Variants in TRIM64C observed in about 807,000 individuals in gnomAD.
The protein encoded by TRIM64C is tripartite motif containing 64C.
A neutral mutation model predicts 36.1 loss-of-function variants in TRIM64C; 25 were observed. The observed-to-expected ratio is 0.69, with a 90% CI of 0.51 to 0.97. The LOEUF (loss-of-function observed/expected upper bound fraction) is 0.97, where lower values mean the gene tolerates loss of function less well. TRIM64C is among the 50% of genes least tolerant of loss of function. The pLI is 0.00. For synonymous variants in TRIM64C, 212 were observed against 185.7 expected (o/e 1.14, Z -1.15); for missense variants, 489 against 536.8 (o/e 0.91, Z 0.88).
At chr11:49,057,033 C>T in intron 3 of TRIM64C, 115 bp downstream of exon 3, 1 of 1,338,002 alleles carries the variant, frequency 7.5e-7, no homozygotes, top group Non-Finnish European at 1.0e-6. Context: ...GTGGAAGTCA[C>T]ACAGCATGTG....
At chr11:49,056,691 A>G (rs1029226102) in intron 3 of TRIM64C, among the ~76,000 whole-genome samples, 1 of 151,922 alleles carries the variant, frequency 6.6e-6, no homozygotes, top group Non-Finnish European at 1.5e-5. Context: ...GACAACTATT[A>G]AAACAAAACA....
chr11:49,054,056 G>A lies in TRIM64C; in HGVS notation c.1011C>T (p.Thr337=). The A allele has an allele frequency of 6.4e-7, 1 of 1,551,530 alleles. No individual in the cohort carries two copies. Among genetic ancestry groups the A allele is most frequent in the Non-Finnish European group, 8.7e-7 (1 of 1,146,832 alleles). The stretch of plus-strand genomic sequence containing the variant: ...CCACTTCCCAGTAATGCTTGCCGGA[G>A]GTGAATGCTTGCGCACACCACACAG... The part of the protein sequence containing the change: ...SFAVWCAQAF[T]SGKHYWEVDV... The change falls in exon 6 of 6, where the codon ACC becomes ACT. Residue 337 remains threonine (T), a synonymous_variant. Coordinates refer to ENST00000617704, the MANE Select transcript of TRIM64C (RefSeq NM_001206631.1).
intron 5 of TRIM64C, 149 bp downstream of exon 5, chr11:49,055,161 A>G: frequency 2.2e-6 from 2 of 922,502 alleles, no homozygotes; most frequent in Non-Finnish European, 3.2e-6. Context: ...TTGTAATATT[A>G]CTATGCAGGT....
chr11:49,057,419 C>G lies in TRIM64C; in HGVS notation c.508-41G>C, dbSNP rs530110890. ...GTTAAAAGGATTACATGTTCTCACT[C>G]TCAATAGAAAACTTCAAATAATTAT... On this transcript the variant is annotated intron_variant, in intron 2 of 5. Transcript: ENST00000617704. 244 of 1,539,154 alleles carry G rather than the reference C, an allele frequency of 1.6e-4. 7 individuals carry two copies. The African/African-American group carries it at 3.2e-3, about 20-fold the overall frequency.
chr11:49,057,424 T>C (rs982738530), intron 2 of TRIM64C, 46 bp from the exon 3 acceptor site: 6 of 1,532,998 alleles, frequency 3.9e-6, no homozygotes, highest in Non-Finnish European at 5.3e-6. Context: ...TCACTCTCAA[T>C]AGAAAACTTC....
chr11:49,057,567 C>G (rs1051233177), intron 2 of TRIM64C, among the ~76,000 whole-genome samples, 189 bp from the exon 3 acceptor site: 3 of 151,744 alleles, frequency 2.0e-5, no homozygotes, highest in Non-Finnish European at 4.4e-5. Flanking sequence ...CTTTTTAAAT[C>G]AAACCAATAT....
rs1239107459 is a variant in TRIM64C at position 49,053,954 on chromosome 11, A to G, written c.1113T>C (p.Asp371=). The change falls in exon 6 of 6, where the codon GAT becomes GAC. Residue 371 remains aspartate (D), a synonymous_variant. Transcript: ENST00000617704. ...AAATTGAAAAAAATGTTTTGTCAGAATCAATAACTATATTGGTATCTGCTG... is the reference window on the plus strand; with the variant it reads ...AAATTGAAAAAAATGTTTTGTCAGAGTCAATAACTATATTGGTATCTGCTG... ...SRTADTNIVI[D]SDKTFFSISS... is the part of the protein sequence containing the mutation. 6 of 1,551,468 alleles carry G rather than the reference A, an allele frequency of 3.9e-6. No individual in the cohort carries two copies. Among genetic ancestry groups the G allele is most frequent in the Non-Finnish European group, 5.2e-6 (6 of 1,146,856 alleles).
Position 49,058,884 on chromosome 11 carries a change from C to T in TRIM64C, c.229G>A (p.Ala77Thr), listed in dbSNP as rs1259635087. Residue 77 changes from alanine to threonine, a missense_variant, in exon 1 of 6, where the codon GCC becomes ACC. Transcript: ENST00000617704. ...NVALKKLASLARQTRPQNINS... is the reference protein window; with the variant it reads ...NVALKKLASLTRQTRPQNINS... The stretch of plus-strand genomic sequence containing the variant: ...ATGTTCTGAGGTCTGGTCTGTCTGG[C>T]TAGGGAAGCCAGCTTTTTGAGTGCC... 4.5e-6 allele frequency: 7 copies of T among 1,550,156 alleles called. No homozygotes were observed. Among genetic ancestry groups the T allele is most frequent in the Admixed American group, 2.0e-5 (1 of 50,970 alleles).
At chr11:49,055,746 C>T (rs1469954363) in intron 4 of TRIM64C, among the ~76,000 whole-genome samples, 2 of 152,236 alleles carry the variant, frequency 1.3e-5, no homozygotes, top group East Asian at 1.9e-4. Context: ...AGACAAAAAC[C>T]TTTGGGACCT....
rs764682942 is a variant in TRIM64C, at chr11:49,059,023, A to G, written c.90T>C (p.Cys30=). 1.8e-5 allele frequency: 28 copies of G among 1,552,078 alleles called. No homozygotes were observed. Among genetic ancestry groups the G allele is most frequent in the Non-Finnish European group, 2.4e-5 (27 of 1,147,380 alleles). Reference sequence around the variant, plus strand: ...GGCAGGGCCTGCAAAAGCTGTGCACACAGTCAGTGGTGACCGGGTCTATGA... The same window carrying G: ...GGCAGGGCCTGCAAAAGCTGTGCACGCAGTCAGTGGTGACCGGGTCTATGA... ...NYFIDPVTTD[C]VHSFCRPCLC... Residue 30 remains cysteine (C), a synonymous_variant, in exon 1 of 6, where the codon TGT becomes TGC. Coordinates refer to ENST00000617704, the MANE Select transcript of TRIM64C (RefSeq NM_001206631.1).
chr11:49,055,536 A>G (rs1320162656), intron 4 of TRIM64C, 129 bp from the exon 5 acceptor site: 1 of 1,250,352 alleles, frequency 8.0e-7, no homozygotes, highest in African/African-American at 1.5e-5. Flanking sequence ...CTGGATGTAC[A>G]TTTTATTCCA....
intron 2 of TRIM64C, 64 bp downstream of exon 2, chr11:49,058,013 TA>T: frequency 8.6e-7 from 1 of 1,162,762 alleles, no homozygotes; most frequent in Non-Finnish European, 1.2e-6. Context: ...TGAATTTAGC[TA>T]AAAAGTATAA....
At chr11:49,056,859 C>T (rs1270929738) in intron 3 of TRIM64C, among the ~76,000 whole-genome samples, 2 of 151,902 alleles carry the variant, frequency 1.3e-5, no homozygotes, top group Non-Finnish European at 2.9e-5. Flanking sequence ...ATATTACTAA[C>T]CTTCCCCTGG....
Position 49,057,147 on chromosome 11 carries a change from C to G in TRIM64C, c.738+1G>C, listed in dbSNP as rs752094417. The G allele has an allele frequency of 6.5e-7, 1 of 1,549,258 alleles. No homozygotes were observed. The highest frequency in any genetic ancestry group is 1.2e-5 in the South Asian group (1 of 83,968). ...TCTGAGGATGGACCCTCCCTCCTCA[C>G]CTGGAGCAGCTCCACGTCAGGCATG... On this transcript the variant is annotated splice_donor_variant, in intron 3 of 5. Coordinates refer to ENST00000617704, the MANE Select transcript of TRIM64C (RefSeq NM_001206631.1). LOFTEE classifies it high-confidence loss of function.
chr11:49,056,147 G>T (rs1263618499), intron 4 of TRIM64C, among the ~76,000 whole-genome samples: 1 of 151,428 alleles, frequency 6.6e-6, no homozygotes, highest in Admixed American at 6.6e-5. Context: ...ACAAACTTCC[G>T]AATGGCAAAT....
At chr11:49,057,838 T>C (rs751548274) in intron 2 of TRIM64C, 26 of 512,816 alleles carry the variant, frequency 5.1e-5, no homozygotes, top group Non-Finnish European at 9.2e-5. Flanking sequence ...AAAAGGTTTA[T>C]GCCAACCTTC....
At position 49,057,256 on chromosome 11, in the gene TRIM64C, T is replaced by C. The variant is rs1854824184; in HGVS notation, c.630A>G (p.Gln210=). The change falls in exon 3 of 6, where the codon CAA becomes CAG. Residue 210 remains glutamine (Q), a synonymous_variant. Transcript: ENST00000617704. ...TTCTCACTTGACTGTCTTGTAGTTG[T>C]TGGAAAAGCTCTTTTGCTTCTCTTT... ...ALEREAKELF[Q]QLQDSQVRMT... The C allele has an allele frequency of 6.5e-7, 1 of 1,549,804 alleles. No individual in the cohort carries two copies. Among genetic ancestry groups the C allele is most frequent in the Non-Finnish European group, 8.7e-7 (1 of 1,146,970 alleles).
rs1415213438 is a variant in TRIM64C at position 49,054,118 on chromosome 11, T to A, written c.949A>T (p.Ser317Cys). 1 of 1,551,598 alleles carries A rather than the reference T, an allele frequency of 6.4e-7. No homozygotes were observed. Among genetic ancestry groups the A allele is most frequent in the Non-Finnish European group, 8.7e-7 (1 of 1,146,852 alleles). Residue 317 changes from serine to cysteine, a missense_variant, in exon 6 of 6, where the codon AGT becomes TGT. Ser to Cys is a moderately radical substitution (Grantham distance 112, BLOSUM62 -1). Coordinates refer to ENST00000617704, the MANE Select transcript of TRIM64C (RefSeq NM_001206631.1). ...RRVIFGDDHRSAPMDPQGVES... is the reference protein window; with the variant it reads ...RRVIFGDDHRCAPMDPQGVES... The stretch of plus-strand genomic sequence containing the variant: ...ACTCCTTGGGGATCCATGGGTGCAC[T>A]GCGATGGTCATCTCCAAATATCACA...
chr11:49,057,147 C>T lies in TRIM64C; in HGVS notation c.738+1G>A, dbSNP rs752094417. 1 of 1,549,142 alleles carries T rather than the reference C, an allele frequency of 6.5e-7. No individual in the cohort carries two copies. The highest frequency in any genetic ancestry group is 8.7e-7 in the Non-Finnish European group (1 of 1,146,866). Reference sequence around the variant, plus strand: ...TCTGAGGATGGACCCTCCCTCCTCACCTGGAGCAGCTCCACGTCAGGCATG... The same window carrying T: ...TCTGAGGATGGACCCTCCCTCCTCATCTGGAGCAGCTCCACGTCAGGCATG... On this transcript the variant is annotated splice_donor_variant, in intron 3 of 5. Transcript: ENST00000617704. LOFTEE classifies it high-confidence loss of function.
Sources: gnomAD v4.1 joint callset for allele counts (sites outside exome capture counted in the v4.1 genomes callset) on GRCh38, gnomAD v4.1.1 for gene constraint, MANE v1.5 for transcripts, NCBI Gene and HGNC (gene_info 2026-07-23, HGNC 2026-07-21) for gene names.